PCDH11X: variants seen among roughly 807,000 people sequenced by gnomAD.
PCDH11X encodes protocadherin-11 X-linked.
A neutral mutation model predicts 53.3 loss-of-function variants in PCDH11X; 18 were observed. That is an observed-to-expected ratio of 0.34 (90% CI 0.23 to 0.50). PCDH11X has a LOEUF of 0.50. PCDH11X is among the 20% of genes least tolerant of loss of function. PCDH11X has a pLI of 0.98. For missense variants in PCDH11X, 570 were observed against 1,032.4 expected (o/e 0.55, Z 6.14); for synonymous variants, 279 against 393.3 (o/e 0.71, Z 3.44).
At chrX:91,865,513 C>T (rs1938923338) in intron 5 of PCDH11X, among the ~76,000 whole-genome samples, 1 of 110,127 alleles carries the variant, frequency 9.1e-6, no homozygotes, top group Non-Finnish European at 1.9e-5. Context: ...GGGTCTCACC[C>T]TTGTTCAAGG....
At chrX:91,903,654 T>TGCGC (rs936165675) in intron 6 of PCDH11X, among the ~76,000 whole-genome samples, 6 of 70,137 alleles carry the variant, frequency 8.6e-5, no homozygotes, top group African/African-American at 3.8e-4. Context: ...TTCCTCTATG[T>TGCGC]GCGTGTGTGT....
chrX:91,828,681 A>C (rs1937007090), intron 4 of PCDH11X, among the ~76,000 whole-genome samples: 1 of 111,686 alleles, frequency 9.0e-6, no homozygotes, highest in Non-Finnish European at 1.9e-5. Flanking sequence ...GATTGGTTTT[A>C]AAAGGTTGCT....
At chrX:91,813,242 TA>T (rs1387942137) in intron 4 of PCDH11X, among the ~76,000 whole-genome samples, 6 of 110,741 alleles carry the variant, frequency 5.4e-5, no homozygotes, top group Non-Finnish European at 7.6e-5. Context: ...ATTTTAAAGT[TA>T]AAAAAAACAA....
chrX:92,386,994 A>T (rs2071023266), intron 8 of PCDH11X, among the ~76,000 whole-genome samples: 1 of 98,217 alleles, frequency 1.0e-5, no homozygotes, highest in African/African-American at 3.7e-5. Flanking sequence ...TGCAAACAAA[A>T]ATGCTGCTAC....
chrX:92,147,812 TTTC>T (rs1390340920), intron 6 of PCDH11X, among the ~76,000 whole-genome samples: 9 of 78,720 alleles, frequency 1.1e-4, no homozygotes, highest in African/African-American at 6.6e-4. Flanking sequence ...TCTTCCTTCC[TTTC>T]TTTCTTTCTT....
chrX:92,263,112 A>C lies in PCDH11X; in HGVS notation c.3115-2A>C. ...CCTTGCCTCCATTTTATCCTAAATC[A>C]GCGGAAATCTGAAGGGAAAGTGGCA... On this transcript the variant is annotated splice_acceptor_variant, in intron 7 of 10. Coordinates refer to ENST00000682573, the MANE Select transcript of PCDH11X (RefSeq NM_032968.5). LOFTEE classifies it high-confidence loss of function. 1 of 1,185,816 alleles carries C rather than the reference A, an allele frequency of 8.4e-7. No homozygotes were observed. Among genetic ancestry groups the C allele is most frequent in the Non-Finnish European group, 1.1e-6 (1 of 879,877 alleles).
intron 9 of PCDH11X, among the ~76,000 whole-genome samples, chrX:92,440,630 C>G (rs1326642452): frequency 9.0e-6 from 1 of 111,051 alleles, no homozygotes; most frequent in African/African-American, 3.3e-5. Flanking sequence ...CTTGCCCCTC[C>G]TTGCCTTCTG....
intron 8 of PCDH11X, among the ~76,000 whole-genome samples, chrX:92,273,082 C>T (rs886888798): frequency 4.5e-5 from 5 of 111,616 alleles, no homozygotes; most frequent in African/African-American, 9.8e-5. Context: ...CTGGTGGTCT[C>T]TTTCATGCGC....
At chrX:92,399,319 GT>G (rs773863961) in intron 9 of PCDH11X, among the ~76,000 whole-genome samples, 18 of 110,372 alleles carry the variant, frequency 1.6e-4, no homozygotes, top group African/African-American at 5.9e-4. Context: ...GGACCAGAGA[GT>G]TTTCATTTCT....
intron 7 of PCDH11X, among the ~76,000 whole-genome samples, chrX:92,202,534 C>T (rs1306201928): frequency 9.0e-6 from 1 of 111,418 alleles, no homozygotes; most frequent in East Asian, 2.9e-4. Context: ...GGGGGAGAAG[C>T]ATCTTCTGCC....
chrX:92,473,263 C>T (rs2073306908), intron 10 of PCDH11X, among the ~76,000 whole-genome samples: 1 of 109,073 alleles, frequency 9.2e-6, no homozygotes, highest in South Asian at 3.9e-4. Context: ...CTAATAATGG[C>T]CATTAATCAT....
intron 6 of PCDH11X, among the ~76,000 whole-genome samples, chrX:92,019,280 C>A (rs1339513605): frequency 9.2e-6 from 1 of 108,929 alleles, no homozygotes; most frequent in African/African-American, 3.4e-5. Context: ...CCCCCTTGAC[C>A]CCACTAACAG....
chrX:92,294,717 T>C (rs1240114212), intron 8 of PCDH11X, among the ~76,000 whole-genome samples: 1 of 111,081 alleles, frequency 9.0e-6, no homozygotes, highest in Admixed American at 9.7e-5. Flanking sequence ...TGCTATATGC[T>C]AGATCGCATC....
intron 7 of PCDH11X, among the ~76,000 whole-genome samples, chrX:92,255,449 T>G (rs1227812458): frequency 1.8e-5 from 2 of 108,738 alleles, no homozygotes; most frequent in Non-Finnish European, 3.8e-5. Flanking sequence ...CTCGTCAAAG[T>G]CATTCTCCGT....
In PCDH11X at chrX:92,202,768, T is replaced by C. The variant is rs777823595; in HGVS notation, c.3114+1313T>C. Among the ~76,000 whole-genome samples, 39 of 111,845 alleles carry C rather than the reference T, an allele frequency of 3.5e-4. No homozygotes were observed. The East Asian group carries it at 9.6e-3, about 27-fold the overall frequency. ...TGGGTGCGGTGGCTCACGCCTGTAA[T>C]CCCAGCAGTTTGGAAGGCCGAGGAG... On this transcript the variant is annotated intron_variant, in intron 7 of 10. Coordinates refer to ENST00000682573, the MANE Select transcript of PCDH11X (RefSeq NM_032968.5).
chrX:92,366,476 T>C (rs1214698587), intron 8 of PCDH11X, among the ~76,000 whole-genome samples: 1 of 109,850 alleles, frequency 9.1e-6, no homozygotes, highest in Non-Finnish European at 1.9e-5. Flanking sequence ...AAGGGTTTTT[T>C]GTGTCTCTAT....
At chrX:91,802,797 CAG>C (rs1935978141) in intron 1 of PCDH11X, among the ~76,000 whole-genome samples, 1 of 111,757 alleles carries the variant, frequency 8.9e-6, no homozygotes, top group Admixed American at 9.5e-5. Context: ...TGTACTGAAA[CAG>C]AGAAAATCAT....
chrX:92,321,728 C>T (rs1010633717), intron 8 of PCDH11X, among the ~76,000 whole-genome samples: 4 of 110,865 alleles, frequency 3.6e-5, no homozygotes, highest in African/African-American at 9.9e-5. Context: ...TGGTCAATTG[C>T]GTCTACACCC....
intron 8 of PCDH11X, among the ~76,000 whole-genome samples, chrX:92,321,175 G>T (rs2148493008): frequency 9.8e-6 from 1 of 102,296 alleles, no homozygotes; most frequent in Non-Finnish European, 1.9e-5. Context: ...TCTGTGAGCT[G>T]AACTGTAAGT....
Sources: gnomAD v4.1 joint callset for allele counts (sites outside exome capture counted in the v4.1 genomes callset) on GRCh38, gnomAD v4.1.1 for gene constraint, MANE v1.5 for transcripts, NCBI Gene and HGNC (gene_info 2026-07-23, HGNC 2026-07-21) for gene names.